The following TUBD1 variants were observed in gnomAD, a reference collection of about 807,000 sequenced individuals.
TUBD1 encodes tubulin delta chain.
Under a neutral mutation model 51.2 loss-of-function variants are expected in TUBD1, and 38 were observed. The ratio of observed to expected loss-of-function variants is 0.74; its 90% confidence interval spans 0.57 to 0.97. The LOEUF is 0.97. Ranked by LOEUF, TUBD1 falls within the 50% of genes least tolerant of loss-of-function variation. The pLI is 0.00. For synonymous variants in TUBD1, 169 were observed against 178.2 expected, an observed-to-expected ratio of 0.95 and a Z score of 0.41; for missense variants, 489 against 538.4, an observed-to-expected ratio of 0.91 and a Z score of 0.91.
intron 2 of TUBD1, among the ~76,000 whole-genome samples, chr17:59,889,868 G>C (rs1282900684): frequency 6.6e-6 from 1 of 151,144 alleles, no homozygotes; most frequent in Non-Finnish European, 1.5e-5. Context: ...TACTTGGGAG[G>C]CTGAGGCAGG....
rs887003132 is a variant in TUBD1 at position 59,892,833 on chromosome 17, A to G, written c.-176T>C. The G allele has an allele frequency of 5.0e-5, 12 of 238,026 alleles. No homozygotes were observed. Among genetic ancestry groups the G allele is most frequent in the Non-Finnish European group, 9.3e-5 (11 of 117,796 alleles). The allele number at this position is 238,026 out of a possible 1,614,324, so 14.7% of individuals were successfully genotyped here. On this transcript the variant is annotated 5_prime_UTR_variant, in exon 1 of 9. Coordinates refer to ENST00000325752, the MANE Select transcript of TUBD1 (RefSeq NM_016261.4). ...CCATAAACGGAGAGTTTTGTTGTGTATATATTTTTTCCTATTCAGAAAGAT... is the reference window on the plus strand; with the variant it reads ...CCATAAACGGAGAGTTTTGTTGTGTGTATATTTTTTCCTATTCAGAAAGAT...
At chr17:59,891,089 G>A (rs750240362) in intron 1 of TUBD1, 48 bp from the exon 2 acceptor site, 7 of 1,000,790 alleles carry the variant, frequency 7.0e-6, no homozygotes, top group Non-Finnish European at 1.0e-5. Context: ...TTACTAATAA[G>A]AACAAATAAA....
Position 59,871,984 on chromosome 17 carries a change from C to T in TUBD1, c.934+2555G>A, listed in dbSNP as rs190738678. Among the ~76,000 whole-genome samples the T allele has an allele frequency of 3.0e-3, 444 of 149,438 alleles. 1 individual carries two copies. The highest frequency in any genetic ancestry group is 5.4e-3 in the Non-Finnish European group (366 of 67,258). ...CATTTTTTTTTTTGAGACAGAGTCT[C>T]GCTCTGTTGCCCAGGCTGGAGAGCA... is the stretch of plus-strand genomic sequence containing the variant. On this transcript the variant is annotated intron_variant, in intron 6 of 8. Transcript: ENST00000325752.
At chr17:59,876,576 C>T (rs949328891) in intron 5 of TUBD1, among the ~76,000 whole-genome samples, 7 of 151,898 alleles carry the variant, frequency 4.6e-5, no homozygotes, top group Admixed American at 2.0e-4. Flanking sequence ...AGGCTAGTCT[C>T]GAACTCCCAA....
At chr17:59,860,575 A>T in intron 8 of TUBD1, 151 bp from the exon 9 acceptor site, 1 of 592,116 alleles carries the variant, frequency 1.7e-6, no homozygotes, top group Non-Finnish European at 2.9e-6. Flanking sequence ...TGTTTACTCC[A>T]AAGATTAGTG....
At chr17:59,869,471 TC>T (rs149339811) in intron 6 of TUBD1, among the ~76,000 whole-genome samples, 29 of 130,860 alleles carry the variant, frequency 2.2e-4, no homozygotes, top group Non-Finnish European at 4.2e-4. Flanking sequence ...CAAGATTCTG[TC>T]CCCCCCGCCA....
rs146174187 is a variant in TUBD1, at chr17:59,874,395, G to T, written c.934+144C>A. 1.5e-3 allele frequency: 989 copies of T among 680,368 alleles called. 5 individuals are homozygous for T. In the African/African-American group the frequency reaches 0.016, roughly 11 times the overall value. 42.1% of individuals were successfully genotyped at this position (680,368 alleles called of 1,614,324 possible). A position where few individuals can be genotyped will look rare whatever the true frequency, so the allele number is the denominator to read the frequency against. On this transcript the variant is annotated intron_variant, in intron 6 of 8. Coordinates refer to ENST00000325752, the MANE Select transcript of TUBD1 (RefSeq NM_016261.4). ...TGAAGTGATTAAGAAACCCTCCTAA[G>T]ATGTCCTGGTGAGTTTCTGCCGGAG...
chr17:59,869,194 G>A (rs868571094), intron 6 of TUBD1, among the ~76,000 whole-genome samples: 5 of 151,766 alleles, frequency 3.3e-5, no homozygotes, highest in Admixed American at 2.0e-4. Context: ...GCTGACACCC[G>A]GCCGGGCATG....
chr17:59,883,994 C>T (rs1193014077), intron 3 of TUBD1, among the ~76,000 whole-genome samples: 2 of 152,138 alleles, frequency 1.3e-5, no homozygotes, highest in Non-Finnish European at 2.9e-5. Flanking sequence ...GGCACAGTGG[C>T]TCATGCCTGT....
At chr17:59,881,565 TA>T (rs1363751395) in intron 3 of TUBD1, among the ~76,000 whole-genome samples, 2 of 152,230 alleles carry the variant, frequency 1.3e-5, no homozygotes, top group African/African-American at 4.8e-5. Context: ...GTACATGTGA[TA>T]TTTGGATATG....
intron 6 of TUBD1, among the ~76,000 whole-genome samples, chr17:59,868,667 T>C (rs1432733516): frequency 1.3e-5 from 2 of 151,956 alleles, no homozygotes; most frequent in Non-Finnish European, 2.9e-5. Flanking sequence ...TGAAACCCCA[T>C]CTCTACTAAA....
At chr17:59,869,197 C>T (rs1022390451) in intron 6 of TUBD1, among the ~76,000 whole-genome samples, 11 of 151,726 alleles carry the variant, frequency 7.2e-5, no homozygotes, top group Non-Finnish European at 1.2e-4. Context: ...GACACCCGGC[C>T]GGGCATGGTG....
chr17:59,890,982 T>G lies in TUBD1; in HGVS notation c.21A>C (p.Gln7His), dbSNP rs139453195. 4 of 1,612,760 alleles carry G rather than the reference T, an allele frequency of 2.5e-6. No homozygotes were observed. Among genetic ancestry groups the G allele is most frequent in the Non-Finnish European group, 3.4e-6 (4 of 1,179,748 alleles). ...CAATCTGATTGCCACACTGACCAAG[T>G]TGCACTGTTACAATTGACATGCTGA... MSIVTV[Q>H]LGQCGNQIGF... The change falls in exon 2 of 9, where the codon CAA becomes CAC. Residue 7 changes from glutamine (Q) to histidine (H), a missense_variant. Coordinates refer to ENST00000325752, the MANE Select transcript of TUBD1 (RefSeq NM_016261.4).
intron 7 of TUBD1, among the ~76,000 whole-genome samples, chr17:59,865,936 C>A (rs1469990336): frequency 6.6e-6 from 1 of 151,852 alleles, no homozygotes; most frequent in African/African-American, 2.4e-5. Flanking sequence ...CATGGAGAAA[C>A]CCCGTCTCTA....
chr17:59,881,137 C>CA (rs1398499157), intron 3 of TUBD1, 27 bp from the exon 4 acceptor site: 1 of 1,541,532 alleles, frequency 6.5e-7, no homozygotes, highest in South Asian at 1.1e-5. Flanking sequence ...GAAACAAACA[C>CA]AAACACTTTT....
intron 6 of TUBD1, among the ~76,000 whole-genome samples, chr17:59,870,756 T>G (rs1000932073): frequency 3.3e-5 from 5 of 152,198 alleles, no homozygotes; most frequent in Non-Finnish European, 7.3e-5. Context: ...GTATGATATT[T>G]GGAAGTCCAG....
At chr17:59,866,932 A>G (rs1231898498) in intron 6 of TUBD1, among the ~76,000 whole-genome samples, 183 bp from the exon 7 acceptor site, 1 of 152,054 alleles carries the variant, frequency 6.6e-6, no homozygotes, top group East Asian at 1.9e-4. Context: ...AGACAGGATT[A>G]GAGGTGTGTG....
At position 59,869,029 on chromosome 17, in the gene TUBD1, A is replaced by G. The variant is rs1167993802; in HGVS notation, c.935-2280T>C. Reference sequence around the variant, plus strand: ...GAAACCCCATCTCAAAAACAAAACAAAACAAAATCTTCCCACAGAGCAAAG... The same window carrying G: ...GAAACCCCATCTCAAAAACAAAACAGAACAAAATCTTCCCACAGAGCAAAG... On this transcript the variant is annotated intron_variant, in intron 6 of 8. Transcript: ENST00000325752. Among the ~76,000 whole-genome samples the G allele has an allele frequency of 2.6e-5, 4 of 151,630 alleles. No homozygotes were observed. The East Asian group carries it at 7.7e-4, about 29-fold the overall frequency.
chr17:59,867,175 T>C lies in TUBD1; in HGVS notation c.935-426A>G, dbSNP rs547391085. On this transcript the variant is annotated intron_variant, in intron 6 of 8. Transcript: ENST00000325752. ...GGTATGTGTATTTTAGGTTTTTTTT[T>C]TGGACAGGGTCTCTCGCTATGTCAC... 1.1e-4 allele frequency among the ~76,000 whole-genome samples: 17 copies of C among 151,906 alleles called. No individual in the cohort carries two copies. In the South Asian group the frequency reaches 3.5e-3, roughly 32 times the overall value.
Sources: allele counts gnomAD v4.1 joint callset (sites outside exome capture counted in the v4.1 genomes callset), GRCh38; gene constraint gnomAD v4.1.1; transcripts MANE v1.5; gene names NCBI Gene and HGNC (gene_info 2026-07-23, HGNC 2026-07-21).